Variants in FBXL7 observed in about 807,000 individuals in gnomAD.
FBXL7 encodes F-box and leucine rich repeat protein 7.
A neutral mutation model predicts 38.3 loss-of-function variants in FBXL7; 12 were observed. That is an observed-to-expected ratio of 0.31 (90% CI 0.20 to 0.51). The LOEUF is 0.51. FBXL7 is among the 20% of genes least tolerant of loss of function. The pLI, the probability that FBXL7 is intolerant of heterozygous loss-of-function variation, is 0.98. For synonymous variants in FBXL7, 297 were observed against 300.9 expected (o/e 0.99, Z 0.13); for missense variants, 567 against 676.4 (o/e 0.84, Z 1.79).
chr5:15,580,901 C>T, intron 1 of FBXL7: 1 of 816,462 alleles, frequency 1.2e-6, no homozygotes. Flanking sequence ...GGTTGGAATC[C>T]TGTGATCCAC....
intron 2 of FBXL7, among the ~76,000 whole-genome samples, chr5:15,706,596 A>G (rs1743687336): frequency 6.6e-6 from 1 of 152,226 alleles, no homozygotes; most frequent in African/African-American, 2.4e-5. Context: ...CATCAAAGGA[A>G]TGACGGAGAA....
intron 2 of FBXL7, among the ~76,000 whole-genome samples, chr5:15,746,853 C>G (rs956058098): frequency 4.0e-5 from 6 of 151,722 alleles, no homozygotes; most frequent in Admixed American, 2.0e-4. Flanking sequence ...TTAAGGAAAA[C>G]TGAAATAAAT....
chr5:15,590,148 C>T (rs941153844), intron 1 of FBXL7, among the ~76,000 whole-genome samples: 2 of 152,164 alleles, frequency 1.3e-5, no homozygotes, highest in African/African-American at 2.4e-5. Flanking sequence ...GAGTAATGGA[C>T]AGACTGGGCC....
At position 15,618,326 on chromosome 5, in the gene FBXL7, A is replaced by G. The variant is rs115876893; in HGVS notation, c.127+2254A>G. Among the ~76,000 whole-genome samples the G allele has an allele frequency of 1.9e-3, 295 of 152,330 alleles. 1 individual carries two copies. The highest frequency in any genetic ancestry group is 0.017 in the Middle Eastern group (5 of 294). On this transcript the variant is annotated intron_variant, in intron 2 of 3. Coordinates refer to ENST00000504595, the MANE Select transcript of FBXL7 (RefSeq NM_012304.5). ...AAGTAGAAGAGGCTTGTCCCTATGAAAGATGCTGCCCATTCCCTTGCATAA... is the reference window on the plus strand; with the variant it reads ...AAGTAGAAGAGGCTTGTCCCTATGAGAGATGCTGCCCATTCCCTTGCATAA...
intron 2 of FBXL7, among the ~76,000 whole-genome samples, chr5:15,819,952 A>T (rs1293758945): frequency 6.6e-6 from 1 of 152,088 alleles, no homozygotes; most frequent in Non-Finnish European, 1.5e-5. Flanking sequence ...TCTTCTGGTG[A>T]TTTCTCCTCC....
At chr5:15,846,933 A>G (rs372586031) in intron 2 of FBXL7, among the ~76,000 whole-genome samples, 3 of 152,358 alleles carry the variant, frequency 2.0e-5, no homozygotes, top group African/African-American at 7.2e-5. Context: ...AAAAATTATA[A>G]GAAAAAAATG....
intron 2 of FBXL7, among the ~76,000 whole-genome samples, chr5:15,733,584 C>A (rs1199705226): frequency 8.5e-5 from 13 of 152,066 alleles, no homozygotes; most frequent in Admixed American, 8.5e-4. Flanking sequence ...TGTCCTAATA[C>A]AACCTGTAGG....
At chr5:15,893,522 A>G (rs1028469427) in intron 2 of FBXL7, among the ~76,000 whole-genome samples, 1 of 152,214 alleles carries the variant, frequency 6.6e-6, no homozygotes, top group African/African-American at 2.4e-5. Flanking sequence ...AGAAATGACC[A>G]TAGTAAGCAT....
chr5:15,820,720 A>G (rs768556521), intron 2 of FBXL7, among the ~76,000 whole-genome samples: 1 of 152,118 alleles, frequency 6.6e-6, no homozygotes, highest in Non-Finnish European at 1.5e-5. Context: ...CTGGTTAGGA[A>G]AGGGAATGCC....
intron 2 of FBXL7, 144 bp from the exon 3 acceptor site, chr5:15,927,746 G>A: frequency 1.2e-6 from 1 of 847,328 alleles, no homozygotes; most frequent in Non-Finnish European, 1.6e-6. Context: ...TTGCACTCCC[G>A]CCTGGGCGAC....
At chr5:15,895,199 A>G (rs1741056216) in intron 2 of FBXL7, among the ~76,000 whole-genome samples, 1 of 152,226 alleles carries the variant, frequency 6.6e-6, no homozygotes, top group Non-Finnish European at 1.5e-5. Context: ...GTTTGGAAAG[A>G]TATATATCAA....
chr5:15,500,535 C>G lies in FBXL7; in HGVS notation c.-142C>G, dbSNP rs1736458869. 4.2e-6 allele frequency: 5 copies of G among 1,181,612 alleles called. No homozygotes were observed. The highest frequency in any genetic ancestry group is 6.3e-6 in the Non-Finnish European group (5 of 787,838). 73.2% of individuals were successfully genotyped at this position (1,181,612 alleles called of 1,614,324 possible). On this transcript the variant is annotated 5_prime_UTR_variant, in exon 1 of 4. Coordinates refer to ENST00000504595, the MANE Select transcript of FBXL7 (RefSeq NM_012304.5). ...CTCCCACTGGAGTGCGGGGACCTCTCCAGGCCGGAGGTCGGCCCCGGAGCT... is the reference window on the plus strand; with the variant it reads ...CTCCCACTGGAGTGCGGGGACCTCTGCAGGCCGGAGGTCGGCCCCGGAGCT...
chr5:15,634,508 G>GGT (rs1741115939), intron 2 of FBXL7, among the ~76,000 whole-genome samples: 1 of 148,884 alleles, frequency 6.7e-6, no homozygotes, highest in Admixed American at 6.6e-5. Flanking sequence ...TTTTAGTTGG[G>GGT]GGGGGGGTTT....
chr5:15,603,166 T>G (rs1412924656), intron 1 of FBXL7, among the ~76,000 whole-genome samples: 1 of 152,218 alleles, frequency 6.6e-6, no homozygotes, highest in Non-Finnish European at 1.5e-5. Context: ...TCATTCCATT[T>G]ATTTGTCTGT....
At chr5:15,774,238 C>A (rs1736802407) in intron 2 of FBXL7, among the ~76,000 whole-genome samples, 1 of 152,080 alleles carries the variant, frequency 6.6e-6, no homozygotes, top group African/African-American at 2.4e-5. Context: ...TACTGACTGA[C>A]CCTCTTCCTC....
chr5:15,749,244 CAAAAAAAAAAAA>C (rs70938027), intron 2 of FBXL7, among the ~76,000 whole-genome samples: 1 of 70,102 alleles, frequency 1.4e-5, no homozygotes, highest in African/African-American at 6.2e-5. Context: ...GACTCTGTCT[CAAAAAAAAAAAA>C]AAAAAAAAAA....
intron 2 of FBXL7, among the ~76,000 whole-genome samples, chr5:15,683,355 A>C (rs537995545): frequency 6.6e-6 from 1 of 152,274 alleles, no homozygotes; most frequent in East Asian, 1.9e-4. Flanking sequence ...GGACTGTATG[A>C]GGGCTGAGCA....
intron 1 of FBXL7, among the ~76,000 whole-genome samples, chr5:15,511,993 C>T (rs919661524): frequency 2.0e-5 from 3 of 152,206 alleles, no homozygotes; most frequent in Admixed American, 6.5e-5. Context: ...TAAAACAACT[C>T]AGCAGGGGCT....
intron 2 of FBXL7, among the ~76,000 whole-genome samples, chr5:15,768,881 A>T (rs146991390): frequency 2.4e-4 from 36 of 152,342 alleles, no homozygotes; most frequent in African/African-American, 7.7e-4. Context: ...GGGCATTTTG[A>T]TTCATTTGAC....
Sources: allele counts gnomAD v4.1 joint callset (sites outside exome capture counted in the v4.1 genomes callset), GRCh38; gene constraint gnomAD v4.1.1; transcripts MANE v1.5; gene names NCBI Gene and HGNC (gene_info 2026-07-23, HGNC 2026-07-21).